Variants in ZC3H7A observed in about 807,000 individuals in gnomAD.
ZC3H7A encodes the protein zinc finger CCCH-type containing 7A, also known as zinc finger CCCH domain-containing protein 7A.
A neutral mutation model predicts 125.5 loss-of-function variants in ZC3H7A; 44 were observed. The ratio of observed to expected loss-of-function variants is 0.35; its 90% CI spans 0.28 to 0.45. The LOEUF is 0.45. ZC3H7A is among the 20% of genes least tolerant of loss of function. ZC3H7A has a pLI of 1.00. For synonymous variants in ZC3H7A, 399 were observed against 391.2 expected (o/e 1.02, Z -0.23); for missense variants, 977 against 1,170.7 (o/e 0.83, Z 2.41).
Position 11,774,322 on chromosome 16 carries a change from C to T in ZC3H7A, c.817G>A (p.Ala273Thr), listed in dbSNP as rs1319354559. ...ACCATATCTCCATCATCTAGAAAAG[C>T]TTCTGGCATAGTGAAGGGCATCTTT... ...GGKMPFTMPE[A>T]FLDDGDMVLG... Residue 273 changes from alanine (A) to threonine (T), a missense_variant, in exon 9 of 23, where the codon GCT becomes ACT. Around this residue, in one of 3 missense-constraint regions of ZC3H7A, gnomAD observed 342 missense variants for 311.3 expected, o/e 1.10. Coordinates refer to ENST00000355758, the MANE Select transcript of ZC3H7A (RefSeq NM_014153.4). 6.2e-7 allele frequency: 1 copy of T among 1,614,004 alleles called. No individual in the cohort carries two copies. Among genetic ancestry groups the T allele is most frequent in the South Asian group, 1.1e-5 (1 of 91,042 alleles).
intron 1 of ZC3H7A, among the ~76,000 whole-genome samples, chr16:11,795,776 AAAAAG>A (rs2053427219): frequency 6.6e-6 from 1 of 152,136 alleles, no homozygotes. Flanking sequence ...GCCACACTAA[AAAAAG>A]AGAAAAAGAA....
chr16:11,787,774 C>A (rs149586848), intron 1 of ZC3H7A, among the ~76,000 whole-genome samples: 1 of 151,954 alleles, frequency 6.6e-6, no homozygotes, highest in Non-Finnish European at 1.5e-5. Context: ...GGTGAAACCC[C>A]GTCTCTACTA....
rs569374813 is a variant in ZC3H7A, at chr16:11,789,236, G to A, written c.-34-6848C>T. On this transcript the variant is annotated intron_variant, in intron 1 of 22. Transcript: ENST00000355758. Reference sequence around the variant, plus strand: ...TCTATAATTATTTCAAAATAAAAAGGTAAAAGTATTCTGTGTATATGTTTG... The same window carrying A: ...TCTATAATTATTTCAAAATAAAAAGATAAAAGTATTCTGTGTATATGTTTG... Among the ~76,000 whole-genome samples the A allele has an allele frequency of 2.2e-4, 34 of 152,174 alleles. No individual in the cohort carries two copies. In the South Asian group the frequency reaches 4.4e-3, roughly 19 times the overall value.
At chr16:11,794,859 T>C (rs1480292249) in intron 1 of ZC3H7A, among the ~76,000 whole-genome samples, 1 of 152,118 alleles carries the variant, frequency 6.6e-6, no homozygotes, top group East Asian at 1.9e-4. Context: ...ACCATTCTTA[T>C]TTGCAAAAAC....
chr16:11,770,639 T>C, intron 10 of ZC3H7A, 144 bp downstream of exon 10: 1 of 848,712 alleles, frequency 1.2e-6, no homozygotes, highest in South Asian at 1.9e-5. Context: ...AATTCAAAAC[T>C]GAAGGCTTAG....
intron 1 of ZC3H7A, among the ~76,000 whole-genome samples, chr16:11,784,086 G>A (rs959889294): frequency 1.3e-5 from 2 of 152,142 alleles, no homozygotes; most frequent in African/African-American, 2.4e-5. Flanking sequence ...CTTTGTATGT[G>A]TTTGAAACAT....
At chr16:11,755,023 C>CA (rs2052617884) in intron 21 of ZC3H7A, among the ~76,000 whole-genome samples, 1 of 151,190 alleles carries the variant, frequency 6.6e-6, no homozygotes, top group Non-Finnish European at 1.5e-5. Context: ...GCCTGGCCAA[C>CA]ATGGTGAAAC....
At chr16:11,777,619 G>A (rs2141202827) in intron 4 of ZC3H7A, among the ~76,000 whole-genome samples, 1 of 152,224 alleles carries the variant, frequency 6.6e-6, no homozygotes, top group South Asian at 2.1e-4. Flanking sequence ...CACTCGGGAG[G>A]CTGAAGCAGG....
At chr16:11,781,219 A>G (rs2053168431) in intron 3 of ZC3H7A, among the ~76,000 whole-genome samples, 1 of 152,218 alleles carries the variant, frequency 6.6e-6, no homozygotes, top group Admixed American at 6.5e-5. Context: ...ATGTTGCAAA[A>G]GCAGCCACAG....
chr16:11,762,333 T>C (rs1366051323), intron 17 of ZC3H7A, among the ~76,000 whole-genome samples: 2 of 152,048 alleles, frequency 1.3e-5, no homozygotes, highest in African/African-American at 4.8e-5. Context: ...GGGAGAGCAA[T>C]GGAAAAACGA....
At chr16:11,790,531 T>C (rs1567396829) in intron 1 of ZC3H7A, among the ~76,000 whole-genome samples, 1 of 152,136 alleles carries the variant, frequency 6.6e-6, no homozygotes, top group African/African-American at 2.4e-5. Context: ...AAGGTGTTGT[T>C]GTCGTCGTCG....
At chr16:11,779,136 A>G in intron 4 of ZC3H7A, 30 bp downstream of exon 4, 1 of 1,537,308 alleles carries the variant, frequency 6.5e-7, no homozygotes, top group South Asian at 1.2e-5. Context: ...TTTTCACTCT[A>G]GAAACATCAT....
chr16:11,765,611 A>C lies in ZC3H7A; in HGVS notation c.1597T>G (p.Trp533Gly). Residue 533 changes from tryptophan (W) to glycine (G), a missense_variant, in exon 14 of 23, where the codon TGG becomes GGG. Trp to Gly is a radical substitution (Grantham distance 184, BLOSUM62 -2). Around this residue, in one of 3 missense-constraint regions of ZC3H7A, gnomAD observed 436 missense variants for 603.2 expected, o/e 0.72. Transcript: ENST00000355758. The surrounding 1 kb of genome is among the most constrained non-coding windows in gnomAD (Gnocchi z 4.8). Reference sequence around the variant, plus strand: ...AATGCTCCTTTCCGCTCCAGTGTCCACACATCTATCTCCTCTTGGCAATAA... The same window carrying C: ...AATGCTCCTTTCCGCTCCAGTGTCCCCACATCTATCTCCTCTTGGCAATAA... ...FAYCQEEIDV[W>G]TLERKGAFSR... 1.2e-6 allele frequency: 2 copies of C among 1,614,154 alleles called. No individual in the cohort carries two copies.
At chr16:11,754,138 A>T (rs2052596621) in intron 21 of ZC3H7A, among the ~76,000 whole-genome samples, 1 of 151,630 alleles carries the variant, frequency 6.6e-6, no homozygotes, top group African/African-American at 2.4e-5. Flanking sequence ...CAAAAAATAC[A>T]AAAATTAGCC....
At chr16:11,795,496 G>T (rs2053422548) in intron 1 of ZC3H7A, among the ~76,000 whole-genome samples, 1 of 152,332 alleles carries the variant, frequency 6.6e-6, no homozygotes, top group South Asian at 2.1e-4. Flanking sequence ...GAGTGCAGTG[G>T]CACAATCTCG....
chr16:11,776,395 C>A, intron 6 of ZC3H7A, 37 bp from the exon 7 acceptor site: 1 of 1,605,622 alleles, frequency 6.2e-7, no homozygotes, highest in Non-Finnish European at 8.5e-7. Flanking sequence ...AAAAACAGAA[C>A]TGACTCCAAG....
chr16:11,777,818 G>A (rs989296898), intron 4 of ZC3H7A, among the ~76,000 whole-genome samples: 10 of 151,952 alleles, frequency 6.6e-5, no homozygotes, highest in South Asian at 2.1e-4. Flanking sequence ...TCAGGAGTTC[G>A]AGACCAGCCT....
At position 11,777,898 on chromosome 16, in the gene ZC3H7A, A is replaced by C. The variant is rs549291191; in HGVS notation, c.307-989T>G. Reference sequence around the variant, plus strand: ...GCCAGGTGTGGTGGTACATGCCTGTAATCTCAGCTACTCGGGAAGCTGAGG... The same window carrying C: ...GCCAGGTGTGGTGGTACATGCCTGTCATCTCAGCTACTCGGGAAGCTGAGG... On this transcript the variant is annotated intron_variant, in intron 4 of 22. Transcript: ENST00000355758. 6.8e-4 allele frequency among the ~76,000 whole-genome samples: 103 copies of C among 152,058 alleles called. 1 individual carries two copies. Among genetic ancestry groups the C allele is most frequent in the African/African-American group, 2.3e-3 (97 of 41,478 alleles).
chr16:11,787,987 C>T (rs761433505), intron 1 of ZC3H7A, among the ~76,000 whole-genome samples: 1 of 151,780 alleles, frequency 6.6e-6, no homozygotes, highest in Non-Finnish European at 1.5e-5. Flanking sequence ...AGGTGTGAGC[C>T]CCCTCGTCCA....
Sources: gnomAD v4.1 joint callset for allele counts (sites outside exome capture counted in the v4.1 genomes callset) on GRCh38, gnomAD v4.1.1 for gene constraint, gnomAD v4.1.1 regional missense constraint, Gnocchi (gnomAD v3.1) non-coding constraint, MANE v1.5 for transcripts, NCBI Gene and HGNC (gene_info 2026-07-23, HGNC 2026-07-21) for gene names.